The following ABCC8 variants were observed in gnomAD, a reference collection of about 807,000 sequenced individuals.
ABCC8 encodes ATP binding cassette subfamily C member 8, also known as ATP-binding cassette sub-family C member 8.
ABCC8 carries 137 observed loss-of-function variants against 188.0 expected under a neutral mutation model. The ratio of observed to expected loss-of-function variants is 0.73; its 90% CI spans 0.63 to 0.84. ABCC8 has a LOEUF of 0.84. ABCC8 is among the 40% of genes least tolerant of loss of function. The probability of loss-of-function intolerance (pLI) is 0.00; values close to 1 mark genes in which losing one functional copy is unlikely to be tolerated. For synonymous variants in ABCC8, 797 were observed against 846.5 expected (o/e 0.94, Z 1.01); for missense variants, 1,750 against 2,072.7 (o/e 0.84, Z 3.02).
At chr11:17,413,500 G>A (rs749598205) in intron 19 of ABCC8, 22 bp from the exon 20 acceptor site, 1 of 1,613,272 alleles carries the variant, frequency 6.2e-7, no homozygotes, top group Non-Finnish European at 8.5e-7. Context: ...AGAGGCAGGG[G>A]ATGCAGCTGG....
At chr11:17,428,187 A>C in intron 14 of ABCC8, 102 bp downstream of exon 14, 1 of 1,569,882 alleles carries the variant, frequency 6.4e-7, no homozygotes, top group South Asian at 1.1e-5. Flanking sequence ...AGGCAGGGTG[A>C]CCTCTGCAGA....
At chr11:17,432,145 A>G in intron 11 of ABCC8, 59 bp downstream of exon 11, 2 of 1,548,646 alleles carry the variant, frequency 1.3e-6, no homozygotes, top group Non-Finnish European at 1.7e-6. Context: ...GCAGCCTGTC[A>G]CTGCAGACGC....
chr11:17,428,020 TC>T, intron 14 of ABCC8, 78 bp from the exon 15 acceptor site: 2 of 1,587,238 alleles, frequency 1.3e-6, no homozygotes, highest in Non-Finnish European at 8.6e-7. Context: ...TGGCTTCCCC[TC>T]CTCCATGAAA....
intron 22 of ABCC8, 190 bp from the exon 23 acceptor site, chr11:17,408,707 G>T: frequency 2.4e-6 from 1 of 414,744 alleles, no homozygotes; most frequent in Non-Finnish European, 3.2e-6. Context: ...AGGACCTAGA[G>T]TTCGGTACAT....
chr11:17,468,972 A>G (rs1848320619), intron 3 of ABCC8, among the ~76,000 whole-genome samples: 1 of 152,072 alleles, frequency 6.6e-6, no homozygotes, highest in South Asian at 2.1e-4. Flanking sequence ...TCTAAATGTT[A>G]GCAAACCTCA....
chr11:17,475,197 G>GA, intron 1 of ABCC8, 170 bp from the exon 2 acceptor site: 1 of 482,922 alleles, frequency 2.1e-6, no homozygotes, highest in Non-Finnish European at 2.7e-6. Flanking sequence ...CATTCAGCCT[G>GA]GTCCTATGCT....
chr11:17,405,657 C>A, intron 26 of ABCC8, 94 bp from the exon 27 acceptor site: 1 of 1,598,166 alleles, frequency 6.3e-7, no homozygotes, highest in Non-Finnish European at 8.5e-7. Context: ...GTAAGTGTCT[C>A]TGGAGTCATT....
At chr11:17,428,100 T>G in intron 14 of ABCC8, 158 bp from the exon 15 acceptor site, 2 of 1,576,300 alleles carry the variant, frequency 1.3e-6, no homozygotes, top group Non-Finnish European at 1.7e-6. Context: ...GGCCTTCTCA[T>G]GCTGACCCTT....
intron 11 of ABCC8, 95 bp downstream of exon 11, chr11:17,432,109 C>T (rs1260572158): frequency 8.2e-6 from 12 of 1,465,520 alleles, no homozygotes; most frequent in South Asian, 1.2e-5. Flanking sequence ...TCTTCTGAGG[C>T]CCCTGTGCAG....
chr11:17,392,566 C>G, downstream of ABCC8: 1 of 316,206 alleles, frequency 3.2e-6, no homozygotes, highest in African/African-American at 2.2e-5. Context: ...TGCATGTGCA[C>G]AGAGTAAAGG....
At chr11:17,395,046 C>G in intron 36 of ABCC8, 126 bp downstream of exon 36, 4 of 1,258,988 alleles carry the variant, frequency 3.2e-6, no homozygotes, top group Non-Finnish European at 4.5e-6. Context: ...AGAAGTAGGA[C>G]TAAATGGTCC....
intron 20 of ABCC8, chr11:17,413,124 A>G (rs1397644671): frequency 1.6e-6 from 1 of 621,984 alleles, no homozygotes; most frequent in African/African-American, 1.8e-5. Context: ...GGCTGAGCAC[A>G]GTGCTGTGTG....
intron 1 of ABCC8, 88 bp from the exon 2 acceptor site, chr11:17,475,115 G>T: frequency 1.3e-6 from 2 of 1,571,350 alleles, no homozygotes; most frequent in Middle Eastern, 1.9e-4. Flanking sequence ...CTTGGGCATT[G>T]GGTCCATGGT....
In ABCC8 at chr11:17,448,685, C is replaced by A. The variant is rs1956638403; in HGVS notation, c.1177-14G>T. On this transcript the variant is annotated splice_polypyrimidine_tract_variant and intron_variant, in intron 7 of 38. Transcript: ENST00000389817. ...GTAAATCTTGGTCTAGAAATGAGAG[C>A]AGAGTGTTTCACATTCATCATCATT... 1.9e-6 allele frequency: 3 copies of A among 1,614,106 alleles called. No homozygotes were observed. The highest frequency in any genetic ancestry group is 2.2e-5 in the South Asian group (2 of 91,066).
intron 3 of ABCC8, among the ~76,000 whole-genome samples, chr11:17,464,506 G>A (rs1175500417): frequency 1.3e-5 from 2 of 152,210 alleles, no homozygotes; most frequent in Non-Finnish European, 2.9e-5. Context: ...CATCCATTAA[G>A]TGGGAATCAT....
chr11:17,430,748 C>T (rs1955807965), intron 12 of ABCC8, 66 bp downstream of exon 12: 9 of 1,554,788 alleles, frequency 5.8e-6, no homozygotes, highest in Non-Finnish European at 7.1e-6. Flanking sequence ...GGCCATCACT[C>T]GAGCAAGCCT....
Position 17,460,526 on chromosome 11 carries a change from C to A in ABCC8, c.973G>T (p.Asp325Tyr). 1 of 1,614,146 alleles carries A rather than the reference C, an allele frequency of 6.2e-7. No individual in the cohort carries two copies. The highest frequency in any genetic ancestry group is 1.1e-5 in the South Asian group (1 of 91,086). ...AGPLCIFGIV[D>Y]HLGKENDVFQ... ...ACGTCGTTCTCCTTCCCAAGGTGGT[C>A]CACGATCCCAAAGATGCACAGTGGC... Residue 325 changes from aspartate (D) to tyrosine (Y), a missense_variant, in exon 6 of 39, where the codon GAC becomes TAC. Transcript: ENST00000389817.
intron 7 of ABCC8, among the ~76,000 whole-genome samples, chr11:17,452,342 T>G (rs2133638726): frequency 6.6e-6 from 1 of 152,304 alleles, no homozygotes; most frequent in South Asian, 2.1e-4. Flanking sequence ...AGGGTTCAAA[T>G]AGAACTTAGA....
At chr11:17,417,019 TC>T (rs1955112857) in intron 16 of ABCC8, 57 bp from the exon 17 acceptor site, 9 of 1,611,788 alleles carry the variant, frequency 5.6e-6, no homozygotes, top group Non-Finnish European at 7.6e-6. Flanking sequence ...CCATTGCCTT[TC>T]CATCACGCTG....
Sources: allele counts gnomAD v4.1 joint callset (sites outside exome capture counted in the v4.1 genomes callset), GRCh38; gene constraint gnomAD v4.1.1; transcripts MANE v1.5; gene names NCBI Gene and HGNC (gene_info 2026-07-23, HGNC 2026-07-21).